Variants in SYTL5 observed in about 807,000 individuals in gnomAD.
SYTL5 encodes synaptotagmin like 5, also known as synaptotagmin-like protein 5.
Under a neutral mutation model 55.9 loss-of-function variants are expected in SYTL5, and 34 were observed. That is an observed-to-expected ratio of 0.61 (90% CI 0.46 to 0.81). The LOEUF is 0.81. Among genes scored for constraint, SYTL5 ranks in the 30% least tolerant of loss-of-function variants. The pLI, the probability that SYTL5 is intolerant of heterozygous loss-of-function variation, is 0.00. For missense variants in SYTL5, 637 were observed against 546.7 expected (o/e 1.17, Z -1.65); for synonymous variants, 221 against 188.7 (o/e 1.17, Z -1.40).
the SYTL5 span, among the ~76,000 whole-genome samples, chrX:37,905,107 C>A: frequency 1.8e-5 from 2 of 110,685 alleles, no homozygotes; most frequent in South Asian, 7.8e-4. Context: ...ACATCTTGAC[C>A]GTCCCAACGA....
intron 3 of SYTL5, among the ~76,000 whole-genome samples, chrX:38,069,252 G>T (rs1447811006): frequency 8.9e-6 from 1 of 112,187 alleles, no homozygotes; most frequent in Non-Finnish European, 1.9e-5. Flanking sequence ...TATTACTACA[G>T]CTTAGCAGTT....
At chrX:37,956,090 A>G in the SYTL5 span, among the ~76,000 whole-genome samples, 4 of 112,031 alleles carry the variant, frequency 3.6e-5, no homozygotes, top group African/African-American at 1.3e-4. Flanking sequence ...ATTATTTAGC[A>G]TATAGTCTCA....
At chrX:38,054,974 C>T (rs904944445) in intron 3 of SYTL5, among the ~76,000 whole-genome samples, 2 of 111,195 alleles carry the variant, frequency 1.8e-5, no homozygotes, top group African/African-American at 6.5e-5. Context: ...GCCTTGGCCT[C>T]CCAAAGTGCT....
At chrX:38,020,045 T>C (rs1159617655) in intron 1 of SYTL5, among the ~76,000 whole-genome samples, 1 of 111,396 alleles carries the variant, frequency 9.0e-6, no homozygotes, top group Admixed American at 9.6e-5. Flanking sequence ...AGACCGAACA[T>C]GTCTTTTTGA....
At chrX:37,938,740 A>T in the SYTL5 span, among the ~76,000 whole-genome samples, 1 of 111,452 alleles carries the variant, frequency 9.0e-6, no homozygotes, top group Admixed American at 9.6e-5. Context: ...CTTTAGACTG[A>T]GCACAACCCT....
chrX:38,095,704 T>C (rs1231230627), intron 8 of SYTL5, among the ~76,000 whole-genome samples: 3 of 111,993 alleles, frequency 2.7e-5, no homozygotes, highest in Non-Finnish European at 5.7e-5. Context: ...TAGGTTGCAT[T>C]GCATTTTATG....
the SYTL5 span, chrX:37,991,271 G>T: frequency 8.9e-7 from 1 of 1,128,569 alleles, no homozygotes; most frequent in Non-Finnish European, 1.2e-6. Flanking sequence ...AGGAATATCT[G>T]CTGTTGTCAT....
intron 11 of SYTL5, among the ~76,000 whole-genome samples, chrX:38,107,370 T>A (rs1238902303): frequency 9.0e-6 from 1 of 111,606 alleles, no homozygotes; most frequent in Non-Finnish European, 1.9e-5. Flanking sequence ...TTTGCAAGGG[T>A]CCTTTCCCAG....
chrX:38,096,108 C>A (rs1936930211), intron 8 of SYTL5, 26 bp from the exon 9 acceptor site: 1 of 938,726 alleles, frequency 1.1e-6, no homozygotes, highest in Non-Finnish European at 1.5e-6. Context: ...TGACTCACGT[C>A]TTTCTTTTTC....
chrX:37,961,587 G>C, the SYTL5 span, among the ~76,000 whole-genome samples: 1 of 111,627 alleles, frequency 9.0e-6, no homozygotes, highest in Non-Finnish European at 1.9e-5. Context: ...ATTGGACCTT[G>C]AGCTAACACA....
chrX:38,118,948 TATAC>T (rs1937537001), intron 13 of SYTL5, among the ~76,000 whole-genome samples: 4 of 83,844 alleles, frequency 4.8e-5, no homozygotes, highest in African/African-American at 1.5e-4. Flanking sequence ...TATGTACGCA[TATAC>T]ATATATATAT....
intron 10 of SYTL5, among the ~76,000 whole-genome samples, chrX:38,104,013 T>C (rs1450288197): frequency 8.9e-6 from 1 of 112,409 alleles, no homozygotes; most frequent in Non-Finnish European, 1.9e-5. Flanking sequence ...TGTGTGCCTA[T>C]TGAGCACTAC....
At chrX:38,015,301 G>T (rs1452936676) in intron 1 of SYTL5, among the ~76,000 whole-genome samples, 1 of 112,263 alleles carries the variant, frequency 8.9e-6, no homozygotes. Flanking sequence ...CTTTGCATTT[G>T]ATATCTGAGG....
At chrX:38,018,880 G>T (rs1322031602) in intron 1 of SYTL5, among the ~76,000 whole-genome samples, 2 of 111,688 alleles carry the variant, frequency 1.8e-5, no homozygotes, top group African/African-American at 6.5e-5. Context: ...CCACTACACA[G>T]CTTTAGTTCC....
At chrX:37,948,790 A>C in the SYTL5 span, among the ~76,000 whole-genome samples, 912 of 111,671 alleles carry the variant, frequency 8.2e-3, 8 homozygotes, top group African/African-American at 0.028. Flanking sequence ...TTTATGGCTG[A>C]ATAGTATTCC....
intron 3 of SYTL5, among the ~76,000 whole-genome samples, chrX:38,064,183 T>A (rs1936032482): frequency 9.0e-6 from 1 of 111,297 alleles, no homozygotes; most frequent in Non-Finnish European, 1.9e-5. Flanking sequence ...TTGAGAAGAC[T>A]ACGGCAGATT....
chrX:37,941,430 T>TA, the SYTL5 span, among the ~76,000 whole-genome samples: 10 of 111,745 alleles, frequency 8.9e-5, no homozygotes, highest in Non-Finnish European at 1.5e-4. Context: ...CATATGAAGT[T>TA]CAGAGACCAT....
chrX:38,127,905 G>A lies in SYTL5; in HGVS notation c.*1175G>A, dbSNP rs1354554014. The A allele has an allele frequency of 3.6e-5, 4 of 111,676 alleles. No homozygotes were observed. Among genetic ancestry groups the A allele is most frequent in the African/African-American group, 6.5e-5 (2 of 30,703 alleles). 9.2% of individuals were successfully genotyped at this position (111,676 alleles called of 1,213,427 possible). On this transcript the variant is annotated 3_prime_UTR_variant, in exon 17 of 17. Coordinates refer to ENST00000297875, the MANE Select transcript of SYTL5 (RefSeq NM_138780.3). ...TGCAATAAGATGAGCCCCACTGCTC[G>A]GGTACATTTTCAGCCCCTGGTTGTG... is the stretch of plus-strand genomic sequence containing the variant.
the SYTL5 span, among the ~76,000 whole-genome samples, chrX:37,898,598 C>G: frequency 0.015 from 1,692 of 112,189 alleles, 29 homozygotes; most frequent in African/African-American, 0.052. Context: ...TGATTTCTCT[C>G]TAGTTCTTTA....
Sources: allele counts gnomAD v4.1 joint callset (sites outside exome capture counted in the v4.1 genomes callset), GRCh38; gene constraint gnomAD v4.1.1; transcripts MANE v1.5; gene names NCBI Gene and HGNC (gene_info 2026-07-23, HGNC 2026-07-21).